The following PTK2 variants were observed in gnomAD, a reference collection of about 807,000 sequenced individuals.
PTK2 encodes focal adhesion kinase 1.
A neutral mutation model predicts 150.1 loss-of-function variants in PTK2; 45 were observed. That is an observed-to-expected ratio of 0.30 (90% CI 0.24 to 0.38). The LOEUF (loss-of-function observed/expected upper bound fraction) is 0.38. PTK2 is among the 10% of genes least tolerant of loss of function. PTK2 has a pLI of 1.00. For missense variants in PTK2, 919 were observed against 1,307.3 expected (o/e 0.70, Z 4.58); for synonymous variants, 432 against 449.2 (o/e 0.96, Z 0.48).
chr8:140,993,098 GA>G (rs922145605), intron 1 of PTK2, among the ~76,000 whole-genome samples: 4 of 152,108 alleles, frequency 2.6e-5, no homozygotes, highest in Non-Finnish European at 4.4e-5. Flanking sequence ...TTGATTTCTA[GA>G]AAAAAAGTTC....
At chr8:140,939,405 T>A (rs530397137) in intron 1 of PTK2, among the ~76,000 whole-genome samples, 1 of 152,306 alleles carries the variant, frequency 6.6e-6, no homozygotes, top group South Asian at 2.1e-4. Context: ...ATACTGCAAG[T>A]TCAGCTCTAA....
chr8:140,800,396 G>T, intron 12 of PTK2, 63 bp downstream of exon 12: 1 of 1,302,740 alleles, frequency 7.7e-7, no homozygotes, highest in East Asian at 2.3e-5. Context: ...AGGCTGTTAG[G>T]GGCAAGCACA....
chr8:140,944,636 G>A (rs529683287), intron 1 of PTK2, among the ~76,000 whole-genome samples: 49 of 152,282 alleles, frequency 3.2e-4, no homozygotes, highest in Non-Finnish European at 5.9e-4. Flanking sequence ...CTTCAGCCGC[G>A]ACTCCTGAAT....
intron 2 of PTK2, among the ~76,000 whole-genome samples, chr8:140,902,314 C>T (rs190192700): frequency 3.2e-4 from 48 of 152,318 alleles, no homozygotes; most frequent in African/African-American, 1.0e-3. Context: ...GGATTACAGG[C>T]GTGAGCCACC....
intron 1 of PTK2, chr8:140,927,369 G>A (rs1297816645): frequency 1.3e-5 from 2 of 152,166 alleles, no homozygotes; most frequent in African/African-American, 2.4e-5. Flanking sequence ...TAGCAACAGT[G>A]TCAAGCTATT....
At chr8:140,934,737 A>C (rs2100173038) in intron 1 of PTK2, 1 of 152,234 alleles carries the variant, frequency 6.6e-6, no homozygotes, top group African/African-American at 2.4e-5. Context: ...TTATCAAGTT[A>C]TATTCTGCTA....
At chr8:140,976,244 CACTT>C (rs1480738042) in intron 1 of PTK2, among the ~76,000 whole-genome samples, 2 of 152,170 alleles carry the variant, frequency 1.3e-5, no homozygotes, top group African/African-American at 4.8e-5. Flanking sequence ...AATATCTAGA[CACTT>C]ACACAATACC....
At chr8:140,988,874 T>A (rs2100194445) in intron 1 of PTK2, among the ~76,000 whole-genome samples, 1 of 152,106 alleles carries the variant, frequency 6.6e-6, no homozygotes, top group South Asian at 2.1e-4. Context: ...TAAAATGAAG[T>A]TGATTTAATC....
At chr8:140,818,382 G>C (rs772941966) in intron 9 of PTK2, 28 bp from the exon 10 acceptor site, 2 of 1,579,646 alleles carry the variant, frequency 1.3e-6, no homozygotes, top group Admixed American at 3.3e-5. Flanking sequence ...AGTGAGAACA[G>C]AGGTGGCAGA....
intron 30 of PTK2, among the ~76,000 whole-genome samples, chr8:140,665,603 A>G (rs2152847351): frequency 6.6e-6 from 1 of 152,336 alleles, no homozygotes; most frequent in African/African-American, 2.4e-5. Flanking sequence ...AAATAATTTT[A>G]AACTTCAAAT....
intron 26 of PTK2, among the ~76,000 whole-genome samples, chr8:140,699,462 C>T (rs1190495992): frequency 6.6e-6 from 1 of 152,204 alleles, no homozygotes; most frequent in East Asian, 1.9e-4. Flanking sequence ...TGTCCCACCA[C>T]TTCCTCTCTG....
intron 22 of PTK2, among the ~76,000 whole-genome samples, chr8:140,728,879 G>A (rs1030236837): frequency 6.6e-6 from 1 of 152,040 alleles, no homozygotes; most frequent in Non-Finnish European, 1.5e-5. Flanking sequence ...TCTTACAAGG[G>A]AGGCTTAGTA....
chr8:140,976,205 ATT>A (rs2100189205), intron 1 of PTK2, among the ~76,000 whole-genome samples: 1 of 152,162 alleles, frequency 6.6e-6, no homozygotes, highest in Admixed American at 6.6e-5. Flanking sequence ...GATAAAATGC[ATT>A]TTCTCTTAAA....
At chr8:140,768,809 G>A (rs2100073894) in intron 14 of PTK2, among the ~76,000 whole-genome samples, 4 of 152,216 alleles carry the variant, frequency 2.6e-5, no homozygotes, top group Admixed American at 2.0e-4. Flanking sequence ...TGAAAAACAC[G>A]CACTTTTAAG....
intron 1 of PTK2, among the ~76,000 whole-genome samples, chr8:140,927,978 ATAT>A: frequency 8.6e-5 from 7 of 81,302 alleles, no homozygotes; most frequent in Non-Finnish European, 2.0e-4. Flanking sequence ...AAAAAAAAAT[ATAT>A]ATATATATAT....
At chr8:140,735,210 T>C in intron 22 of PTK2, 41 bp downstream of exon 25, 1 of 1,567,066 alleles carries the variant, frequency 6.4e-7, no homozygotes, top group Non-Finnish European at 8.8e-7. Flanking sequence ...AGCAGCATAA[T>C]CTGCCCCCAC....
chr8:140,871,819 C>T (rs2100142701), intron 4 of PTK2, among the ~76,000 whole-genome samples: 1 of 152,106 alleles, frequency 6.6e-6, no homozygotes, highest in African/African-American at 2.4e-5. Context: ...TTTAAGGCTA[C>T]AGCGAGCTAT....
At chr8:140,976,341 C>T (rs2100189252) in intron 1 of PTK2, among the ~76,000 whole-genome samples, 1 of 152,118 alleles carries the variant, frequency 6.6e-6, no homozygotes, top group Non-Finnish European at 1.5e-5. Flanking sequence ...ATTTCTGAGC[C>T]ACTATTTAAC....
intron 23 of PTK2, 48 bp downstream of exon 26, chr8:140,717,550 G>C (rs778027892): frequency 7.0e-7 from 1 of 1,429,118 alleles, no homozygotes; most frequent in South Asian, 1.1e-5. Context: ...TGTAAATCTT[G>C]AAAGTTAGTA....
Sources: gnomAD v4.1 joint callset for allele counts (sites outside exome capture counted in the v4.1 genomes callset) on GRCh38, gnomAD v4.1.1 for gene constraint, MANE v1.5 for transcripts, NCBI Gene and HGNC (gene_info 2026-07-23, HGNC 2026-07-21) for gene names.